Variants in SLCO5A1 observed in about 807,000 individuals in gnomAD.
SLCO5A1 encodes the protein organic anion transporter polypeptide-related protein 4.
A neutral mutation model predicts 65.1 loss-of-function variants in SLCO5A1; 39 were observed. The ratio of observed to expected loss-of-function variants is 0.60; its 90% CI spans 0.46 to 0.78. SLCO5A1 has a LOEUF of 0.78. SLCO5A1 is among the 30% of genes least tolerant of loss of function. The pLI is 0.00. For missense variants in SLCO5A1, 1,029 were observed against 1,069.4 expected, an observed-to-expected ratio of 0.96 and a Z score of 0.53; for synonymous variants, 438 against 415.7, an observed-to-expected ratio of 1.05 and a Z score of -0.65.
At chr8:69,756,585 T>C (rs1250340139) in intron 3 of SLCO5A1, among the ~76,000 whole-genome samples, 2 of 152,152 alleles carry the variant, frequency 1.3e-5, no homozygotes, top group African/African-American at 2.4e-5. Flanking sequence ...ATGTATATAA[T>C]TAAATATTAG....
At chr8:69,821,154 C>T (rs796654720) in intron 2 of SLCO5A1, among the ~76,000 whole-genome samples, 3 of 151,806 alleles carry the variant, frequency 2.0e-5, no homozygotes, top group African/African-American at 7.3e-5. Flanking sequence ...TACAACTCAA[C>T]TGATTTGAAG....
chr8:69,673,846 T>A (rs958427753), intron 9 of SLCO5A1, among the ~76,000 whole-genome samples: 1 of 152,178 alleles, frequency 6.6e-6, no homozygotes, highest in African/African-American at 2.4e-5. Flanking sequence ...AGAAACCACA[T>A]AACATGGCAA....
intron 2 of SLCO5A1, among the ~76,000 whole-genome samples, chr8:69,811,234 G>A (rs972215469): frequency 2.0e-5 from 3 of 152,266 alleles, no homozygotes; most frequent in Non-Finnish European, 2.9e-5. Context: ...AAGATAGCCC[G>A]TGAGCTTACG....
At chr8:69,827,159 AG>A (rs1176506293) in intron 2 of SLCO5A1, among the ~76,000 whole-genome samples, 5 of 65,946 alleles carry the variant, frequency 7.6e-5, no homozygotes, top group African/African-American at 6.3e-5. Context: ...GGGTGGGGGG[AG>A]GGGGGAGGGA....
chr8:69,719,122 C>T (rs929284939), intron 5 of SLCO5A1, among the ~76,000 whole-genome samples: 5 of 152,102 alleles, frequency 3.3e-5, no homozygotes, highest in African/African-American at 1.2e-4. Flanking sequence ...CAAGAAGAAA[C>T]TTCAAAAATT....
intron 6 of SLCO5A1, among the ~76,000 whole-genome samples, chr8:69,686,173 A>G (rs541366652): frequency 4.6e-5 from 7 of 151,572 alleles, no homozygotes; most frequent in African/African-American, 1.7e-4. Flanking sequence ...TGTGACAAGT[A>G]GAAATCCATA....
intron 6 of SLCO5A1, among the ~76,000 whole-genome samples, chr8:69,687,440 A>G (rs919678217): frequency 7.2e-5 from 11 of 152,232 alleles, no homozygotes; most frequent in African/African-American, 2.7e-4. Context: ...CTTTGTAGAC[A>G]AGAAATTTAA....
intron 3 of SLCO5A1, among the ~76,000 whole-genome samples, chr8:69,759,668 T>A (rs1209632109): frequency 6.6e-6 from 1 of 152,140 alleles, no homozygotes; most frequent in Non-Finnish European, 1.5e-5. Flanking sequence ...TATTTTGAGA[T>A]AGAGTCTCGC....
intron 2 of SLCO5A1, among the ~76,000 whole-genome samples, chr8:69,811,180 A>G (rs16936450): frequency 0.062 from 9,451 of 152,228 alleles, 448 homozygotes; most frequent in East Asian, 0.25. Context: ...GGTTGGAGAC[A>G]TAATCAGAGA....
At chr8:69,798,471 A>G (rs1819594378) in intron 2 of SLCO5A1, among the ~76,000 whole-genome samples, 1 of 152,192 alleles carries the variant, frequency 6.6e-6, no homozygotes, top group African/African-American at 2.4e-5. Flanking sequence ...GGAAGCTGGC[A>G]CTTCACATGG....
chr8:69,704,124 C>T (rs1238323557), intron 6 of SLCO5A1, among the ~76,000 whole-genome samples: 2 of 152,168 alleles, frequency 1.3e-5, no homozygotes, highest in East Asian at 3.9e-4. Context: ...TGGTCTTGAA[C>T]TCCCAGTCTC....
chr8:69,769,552 A>G (rs1434221212), intron 2 of SLCO5A1, among the ~76,000 whole-genome samples: 1 of 152,226 alleles, frequency 6.6e-6, no homozygotes, highest in African/African-American at 2.4e-5. Flanking sequence ...TTGGATTTTT[A>G]TGTTGAATAA....
intron 2 of SLCO5A1, among the ~76,000 whole-genome samples, chr8:69,771,862 T>G (rs1228608528): frequency 6.6e-6 from 1 of 152,238 alleles, no homozygotes; most frequent in Non-Finnish European, 1.5e-5. Context: ...ATGAGAAATG[T>G]GAGTTCTAAT....
intron 5 of SLCO5A1, among the ~76,000 whole-genome samples, chr8:69,718,323 C>T (rs1815652809): frequency 6.6e-6 from 1 of 152,174 alleles, no homozygotes; most frequent in Admixed American, 6.5e-5. Flanking sequence ...TAGAAGATCA[C>T]ATAATCTGTA....
chr8:69,834,901 G>C lies in SLCO5A1; in HGVS notation c.-544C>G, dbSNP rs1490982694. 2.0e-5 allele frequency: 3 copies of C among 152,578 alleles called. No individual in the cohort carries two copies. The highest frequency in any genetic ancestry group is 4.8e-5 in the African/African-American group (2 of 41,450). 9.5% of individuals were successfully genotyped at this position (152,578 alleles called of 1,614,324 possible). The stretch of plus-strand genomic sequence containing the variant: ...GCCTGGCTGAGTAGAGCGGCGGGAG[G>C]GGGGCACTGAGCTACGGGAATAGTT... On this transcript the variant is annotated 5_prime_UTR_variant, in exon 1 of 10. Transcript: ENST00000260126.
chr8:69,684,909 T>C (rs181772909), intron 6 of SLCO5A1, among the ~76,000 whole-genome samples: 1 of 152,250 alleles, frequency 6.6e-6, no homozygotes, highest in Admixed American at 6.5e-5. Flanking sequence ...CAAATGTCAA[T>C]AGTGCTGAGG....
intron 4 of SLCO5A1, among the ~76,000 whole-genome samples, chr8:69,749,633 A>G (rs971097912): frequency 2.6e-5 from 4 of 152,038 alleles, no homozygotes; most frequent in African/African-American, 9.7e-5. Flanking sequence ...CAAAAAAAAA[A>G]GAAAAAGAAA....
At chr8:69,750,121 A>C (rs2130854210) in intron 4 of SLCO5A1, among the ~76,000 whole-genome samples, 1 of 152,354 alleles carries the variant, frequency 6.6e-6, no homozygotes, top group Non-Finnish European at 1.5e-5. Context: ...AGAGGTAACC[A>C]GGGGTTAAAT....
intron 6 of SLCO5A1, among the ~76,000 whole-genome samples, chr8:69,699,092 C>G (rs377660294): frequency 6.6e-6 from 1 of 152,158 alleles, no homozygotes; most frequent in Non-Finnish European, 1.5e-5. Context: ...GCCCTTAGAC[C>G]TTGAGGACAG....
Sources: allele counts gnomAD v4.1 joint callset (sites outside exome capture counted in the v4.1 genomes callset), GRCh38; gene constraint gnomAD v4.1.1; transcripts MANE v1.5; gene names NCBI Gene and HGNC (gene_info 2026-07-23, HGNC 2026-07-21).